The following RPS6KC1 variants were observed in gnomAD, a reference collection of about 807,000 sequenced individuals.
RPS6KC1 encodes the protein ribosomal protein S6 kinase C1.
In RPS6KC1, 54 loss-of-function variants were observed where a neutral mutation model predicts 103.8. The ratio of observed to expected loss-of-function variants is 0.52; its 90% CI spans 0.42 to 0.65. The LOEUF is 0.65. Ranked by LOEUF, RPS6KC1 falls within the 30% of genes least tolerant of loss-of-function variation. The pLI is 0.00. For missense variants in RPS6KC1, 1,151 were observed against 1,253.8 expected (o/e 0.92, Z 1.24); for synonymous variants, 439 against 438.7 (o/e 1.00, Z -0.01).
the RPS6KC1 span, among the ~76,000 whole-genome samples, chr1:213,289,075 C>T: frequency 6.6e-6 from 1 of 152,046 alleles, no homozygotes; most frequent in African/African-American, 2.4e-5. Flanking sequence ...CCTCAGGCGC[C>T]CCCAGCCACA....
At chr1:213,368,255 C>T in the RPS6KC1 span, among the ~76,000 whole-genome samples, 1 of 152,190 alleles carries the variant, frequency 6.6e-6, no homozygotes, top group Non-Finnish European at 1.5e-5. Context: ...GTAATCATCT[C>T]ACAGCATGAA....
intron 10 of RPS6KC1, among the ~76,000 whole-genome samples, chr1:213,234,014 CTTTTT>C (rs565425301): frequency 1.5e-5 from 2 of 135,126 alleles, no homozygotes; most frequent in African/African-American, 2.7e-5. Context: ...CTCTCTCTCT[CTTTTT>C]TTTTTTTTTT....
the RPS6KC1 span, among the ~76,000 whole-genome samples, chr1:213,418,945 G>A: frequency 6.6e-6 from 1 of 152,258 alleles, no homozygotes; most frequent in East Asian, 1.9e-4. Context: ...CCCTCTGGAT[G>A]CTGCTCTTGT....
At chr1:213,853,534 A>AG in the RPS6KC1 span, among the ~76,000 whole-genome samples, 20 of 152,224 alleles carry the variant, frequency 1.3e-4, no homozygotes, top group Non-Finnish European at 2.8e-4. Flanking sequence ...CCATGCTGTG[A>AG]GAAGAAATGT....
rs537132245 is a variant in RPS6KC1 at position 213,138,505 on chromosome 1, C to T, written c.835+8616C>T. The stretch of plus-strand genomic sequence containing the variant: ...TAGGTAGTTTTCCAGTCCTCACCCT[C>T]CTCCCACCCTTTACCCTCAAAGAGG... On this transcript the variant is annotated intron_variant, in intron 6 of 14. Transcript: ENST00000366960. Among the ~76,000 whole-genome samples the T allele has an allele frequency of 1.6e-4, 24 of 152,248 alleles. 1 individual carries two copies. The highest frequency in any genetic ancestry group is 5.8e-4 in the African/African-American group (24 of 41,530).
At chr1:213,281,670 T>C in the RPS6KC1 span, among the ~76,000 whole-genome samples, 1 of 152,190 alleles carries the variant, frequency 6.6e-6, no homozygotes, top group Non-Finnish European at 1.5e-5. Flanking sequence ...CCACTCTCTG[T>C]CCCTCTGCTG....
intron 11 of RPS6KC1, 48 bp from the exon 12 acceptor site, chr1:213,242,521 A>T: frequency 6.8e-7 from 1 of 1,465,562 alleles, no homozygotes; most frequent in East Asian, 2.3e-5. Context: ...CTTCTGCAGA[A>T]AATGGAAGAG....
At chr1:213,078,451 G>C (rs1431457940) in intron 3 of RPS6KC1, among the ~76,000 whole-genome samples, 1 of 152,046 alleles carries the variant, frequency 6.6e-6, no homozygotes, top group Non-Finnish European at 1.5e-5. Flanking sequence ...ACCTAGGCTG[G>C]AGTATAGTGG....
At chr1:213,381,775 C>G in the RPS6KC1 span, among the ~76,000 whole-genome samples, 4 of 152,216 alleles carry the variant, frequency 2.6e-5, no homozygotes, top group Non-Finnish European at 4.4e-5. Context: ...ATAGTTGGTT[C>G]TCCATTTGTT....
At chr1:213,242,718 T>A in intron 12 of RPS6KC1, 60 bp downstream of exon 12, 1 of 1,208,330 alleles carries the variant, frequency 8.3e-7, no homozygotes, top group South Asian at 1.3e-5. Flanking sequence ...TCTCATTTCT[T>A]TATAGAAGTT....
chr1:213,154,525 A>G (rs1013558932), intron 6 of RPS6KC1, among the ~76,000 whole-genome samples: 2 of 152,196 alleles, frequency 1.3e-5, no homozygotes, highest in Non-Finnish European at 2.9e-5. Context: ...GCCTTACCCC[A>G]TAGCCACTCA....
At chr1:213,499,172 T>C in the RPS6KC1 span, among the ~76,000 whole-genome samples, 5 of 152,222 alleles carry the variant, frequency 3.3e-5, no homozygotes, top group African/African-American at 1.2e-4. Context: ...TGTTCCCACT[T>C]GTATTTTGTA....
chr1:213,276,464 T>G (rs1244850336), downstream of RPS6KC1, among the ~76,000 whole-genome samples: 1 of 152,222 alleles, frequency 6.6e-6, no homozygotes, highest in African/African-American at 2.4e-5. Flanking sequence ...TCTCTGTGAC[T>G]AATTAGCCAT....
chr1:213,612,907 A>C, the RPS6KC1 span, among the ~76,000 whole-genome samples: 1 of 152,128 alleles, frequency 6.6e-6, no homozygotes, highest in African/African-American at 2.4e-5. Context: ...AAGAAAATGT[A>C]TTTTCTGCCT....
chr1:213,078,335 CTG>C (rs937091970), intron 3 of RPS6KC1, among the ~76,000 whole-genome samples: 28 of 150,016 alleles, frequency 1.9e-4, no homozygotes, highest in Admixed American at 1.6e-3. Context: ...TGTCCCCTGT[CTG>C]GATTTTGACT....
the RPS6KC1 span, among the ~76,000 whole-genome samples, chr1:213,596,356 C>T: frequency 1.3e-5 from 2 of 152,174 alleles, no homozygotes; most frequent in Non-Finnish European, 2.9e-5. Context: ...TCCAGTAATC[C>T]AGTAAAAGGT....
At chr1:213,533,448 C>A in the RPS6KC1 span, among the ~76,000 whole-genome samples, 5 of 151,810 alleles carry the variant, frequency 3.3e-5, no homozygotes, top group African/African-American at 1.2e-4. Flanking sequence ...TTTGTGGGTT[C>A]TTGTGATCTA....
At chr1:213,437,770 C>T in the RPS6KC1 span, among the ~76,000 whole-genome samples, 8 of 149,376 alleles carry the variant, frequency 5.4e-5, no homozygotes, top group Admixed American at 1.3e-4. Flanking sequence ...GTTTATAATT[C>T]GCTGGGATTT....
chr1:213,117,009 T>G (rs1403910845), intron 4 of RPS6KC1, among the ~76,000 whole-genome samples: 1 of 152,116 alleles, frequency 6.6e-6, no homozygotes, highest in African/African-American at 2.4e-5. Context: ...AAAATAATAG[T>G]CTATTTCTAG....
Sources: gnomAD v4.1 joint callset for allele counts (sites outside exome capture counted in the v4.1 genomes callset) on GRCh38, gnomAD v4.1.1 for gene constraint, MANE v1.5 for transcripts, NCBI Gene and HGNC (gene_info 2026-07-23, HGNC 2026-07-21) for gene names.